The following CDH4 variants were observed in gnomAD, a reference collection of about 807,000 sequenced individuals.
CDH4 encodes cadherin 4.
Under a neutral mutation model 86.0 loss-of-function variants are expected in CDH4, and 33 were observed. The ratio of observed to expected loss-of-function variants is 0.38; its 90% confidence interval spans 0.29 to 0.51. CDH4 has a LOEUF of 0.51. Among genes scored for constraint, CDH4 ranks in the 20% least tolerant of loss-of-function variants. The pLI, the probability that CDH4 is intolerant of heterozygous loss-of-function variation, is 0.86. For synonymous variants in CDH4, 555 were observed against 549.4 expected (o/e 1.01, Z -0.14); for missense variants, 1,114 against 1,307.4 (o/e 0.85, Z 2.28).
chr20:61,523,864 T>C (rs1410420534), intron 2 of CDH4, among the ~76,000 whole-genome samples: 2 of 152,138 alleles, frequency 1.3e-5, no homozygotes, highest in Non-Finnish European at 2.9e-5. Flanking sequence ...ACCAAAAAAG[T>C]CAAATTAAAA....
At chr20:61,590,239 G>T (rs551838784) in intron 2 of CDH4, among the ~76,000 whole-genome samples, 146 of 152,296 alleles carry the variant, frequency 9.6e-4, no homozygotes, top group Non-Finnish European at 5.0e-4. Flanking sequence ...TGGGGATGGG[G>T]CCAGTGGCCT....
chr20:61,848,676 C>T (rs1004456159), intron 5 of CDH4, among the ~76,000 whole-genome samples: 1 of 152,172 alleles, frequency 6.6e-6, no homozygotes, highest in Non-Finnish European at 1.5e-5. Flanking sequence ...CAGGCACCCG[C>T]CACCACGCCC....
intron 8 of CDH4, among the ~76,000 whole-genome samples, chr20:61,904,073 T>C (rs994280025): frequency 3.9e-5 from 6 of 152,216 alleles, no homozygotes; most frequent in African/African-American, 1.4e-4. Flanking sequence ...GCCGGCGTCC[T>C]GTGGGCTTGC....
intron 9 of CDH4, among the ~76,000 whole-genome samples, chr20:61,913,764 G>A (rs543028507): frequency 2.0e-5 from 3 of 152,358 alleles, no homozygotes; most frequent in South Asian, 4.1e-4. Flanking sequence ...CAGCAGGAAG[G>A]CCCTGGCTGG....
chr20:61,576,695 C>T (rs1017689713), intron 2 of CDH4, among the ~76,000 whole-genome samples: 3 of 152,176 alleles, frequency 2.0e-5, no homozygotes, highest in African/African-American at 7.2e-5. Flanking sequence ...CTCTTAATGG[C>T]CACTGCTGCC....
At chr20:61,591,145 T>C (rs2145732007) in intron 2 of CDH4, among the ~76,000 whole-genome samples, 1 of 152,278 alleles carries the variant, frequency 6.6e-6, no homozygotes, top group East Asian at 1.9e-4. Context: ...CTGCACCCAT[T>C]GATAAGTACA....
At chr20:61,698,779 G>A (rs938240219) in intron 2 of CDH4, among the ~76,000 whole-genome samples, 2 of 152,246 alleles carry the variant, frequency 1.3e-5, no homozygotes, top group Non-Finnish European at 2.9e-5. Flanking sequence ...CAGACATTGA[G>A]AACCTCTGGG....
intron 2 of CDH4, among the ~76,000 whole-genome samples, chr20:61,502,948 G>A (rs184539955): frequency 3.3e-5 from 5 of 152,230 alleles, no homozygotes; most frequent in East Asian, 3.9e-4. Context: ...CTGAAGTGTC[G>A]CTCACCGTGA....
rs546739965 is a variant in CDH4, at chr20:61,929,549, C to T, written c.2006-60C>T. On this transcript the variant is annotated intron_variant, in intron 12 of 15. Coordinates refer to ENST00000614565, the MANE Select transcript of CDH4 (RefSeq NM_001794.5). ...CGGACTTTTAGTCTTTTCCTTTGGA[C>T]GTCTTGCTTGGAAGCGAGGGCCGGG... 28 of 1,327,622 alleles carry T rather than the reference C, an allele frequency of 2.1e-5. No individual in the cohort carries two copies. In the East Asian group the frequency reaches 3.0e-4, roughly 14 times the overall value. The allele number at this position is 1,327,622 out of a possible 1,614,324, so 82.2% of individuals were successfully genotyped here.
At position 61,623,585 on chromosome 20, in the gene CDH4, G is replaced by A. The variant is rs2086798677; in HGVS notation, c.170-119978G>A. Among the ~76,000 whole-genome samples the A allele has an allele frequency of 6.6e-6, 1 of 152,128 alleles. No individual in the cohort carries two copies. The highest frequency in any genetic ancestry group is 1.5e-5 in the Non-Finnish European group (1 of 68,024). On this transcript the variant is annotated intron_variant, in intron 2 of 15. Coordinates refer to ENST00000614565, the MANE Select transcript of CDH4 (RefSeq NM_001794.5). This position sits in a 1 kb window ranked among gnomAD's most constrained non-coding sequence, Gnocchi z 4.4. ...GGGTCATCAAGAGCTAGACCCAGCG[G>A]CCGTGTTGTCTTTCCTCTACATGAG...
At chr20:61,887,124 G>A (rs936126458) in intron 7 of CDH4, among the ~76,000 whole-genome samples, 2 of 151,908 alleles carry the variant, frequency 1.3e-5, no homozygotes, top group African/African-American at 4.8e-5. Context: ...TCACCCCAGA[G>A]AACATCCCAG....
chr20:61,772,139 T>A (rs930988014), intron 3 of CDH4, among the ~76,000 whole-genome samples: 1 of 152,238 alleles, frequency 6.6e-6, no homozygotes, highest in African/African-American at 2.4e-5. Context: ...TCAGGGCCAT[T>A]GCTACTATCT....
intron 2 of CDH4, chr20:61,738,266 A>C (rs1250962128): frequency 6.6e-6 from 1 of 152,176 alleles, no homozygotes; most frequent in Non-Finnish European, 1.5e-5. Flanking sequence ...GTTTGTTTAA[A>C]ACTAATGGAA....
At chr20:61,619,717 G>A (rs1025823333) in intron 2 of CDH4, among the ~76,000 whole-genome samples, 6 of 152,234 alleles carry the variant, frequency 3.9e-5, no homozygotes, top group South Asian at 2.1e-4. Flanking sequence ...GTATCCTCAC[G>A]TGAGCGCTGT....
chr20:61,844,608 C>T lies in CDH4; in HGVS notation c.577-60C>T, dbSNP rs181264554. Reference sequence around the variant, plus strand: ...ATGAGAGGGGATGAATGTCAGAGATCGGCCCCGGGCCTCTCCTCACCACAG... The same window carrying T: ...ATGAGAGGGGATGAATGTCAGAGATTGGCCCCGGGCCTCTCCTCACCACAG... On this transcript the variant is annotated intron_variant, in intron 4 of 15. Transcript: ENST00000614565. The T allele has an allele frequency of 4.1e-4, 616 of 1,507,428 alleles. 1 individual carries two copies. In the Middle Eastern group the frequency reaches 5.7e-3, roughly 14 times the overall value. The allele number at this position is 1,507,428 out of a possible 1,614,324, so 93.4% of individuals were successfully genotyped here. A position where few individuals can be genotyped will look rare whatever the true frequency, so the allele number is the denominator to read the frequency against.
At chr20:61,875,752 C>T (rs62204973) in intron 7 of CDH4, among the ~76,000 whole-genome samples, 44,060 of 152,126 alleles carry the variant, frequency 0.29, 7,749 homozygotes, top group Non-Finnish European at 0.4. Context: ...AGATGAGCTG[C>T]ACCTGGCCCT....
At chr20:61,514,977 G>A (rs1360954350) in intron 2 of CDH4, among the ~76,000 whole-genome samples, 4 of 152,160 alleles carry the variant, frequency 2.6e-5, no homozygotes, top group Non-Finnish European at 4.4e-5. Context: ...GGGCGGGGGC[G>A]GGTGGCACGG....
intron 2 of CDH4, among the ~76,000 whole-genome samples, chr20:61,578,070 G>C (rs937610439): frequency 6.6e-6 from 1 of 152,106 alleles, no homozygotes; most frequent in Non-Finnish European, 1.5e-5. Context: ...AAATCTCTCT[G>C]TGTCCCGACC....
At chr20:61,865,324 G>A (rs1983497154) in intron 6 of CDH4, among the ~76,000 whole-genome samples, 1 of 152,228 alleles carries the variant, frequency 6.6e-6, no homozygotes, top group Non-Finnish European at 1.5e-5. Context: ...GGTGATAACT[G>A]ACTTCCTGGC....
Sources: allele counts gnomAD v4.1 joint callset (sites outside exome capture counted in the v4.1 genomes callset), GRCh38; gene constraint gnomAD v4.1.1; non-coding constraint Gnocchi (gnomAD v3.1); transcripts MANE v1.5; gene names NCBI Gene and HGNC (gene_info 2026-07-23, HGNC 2026-07-21).